The following DHX37 variants were observed in gnomAD, a reference collection of about 807,000 sequenced individuals.
The protein encoded by DHX37 is probable ATP-dependent RNA helicase DHX37.
Under a neutral mutation model 134.3 loss-of-function variants are expected in DHX37, and 52 were observed. That is an observed-to-expected ratio of 0.39 (90% CI 0.31 to 0.49). DHX37 has a LOEUF of 0.49. Among genes scored for constraint, DHX37 ranks in the 20% least tolerant of loss-of-function variants. The pLI, the probability that DHX37 is intolerant of heterozygous loss-of-function variation, is 0.93. For missense variants in DHX37, 1,344 were observed against 1,580.8 expected (o/e 0.85, Z 2.54); for synonymous variants, 634 against 670.7 (o/e 0.95, Z 0.85).
intron 10 of DHX37, among the ~76,000 whole-genome samples, chr12:124,967,546 C>T (rs1954415902): frequency 6.6e-6 from 1 of 152,180 alleles, no homozygotes. Context: ...CCTGAGGCTG[C>T]AGGAAGGCTC....
intron 10 of DHX37, among the ~76,000 whole-genome samples, chr12:124,967,894 C>T (rs1441467469): frequency 6.7e-6 from 1 of 150,158 alleles, no homozygotes; most frequent in African/African-American, 2.5e-5. Flanking sequence ...CATGATGAAA[C>T]CCCATCTCTA....
intron 9 of DHX37, 108 bp from the exon 10 acceptor site, chr12:124,968,756 C>T: frequency 6.3e-7 from 1 of 1,597,892 alleles, no homozygotes; most frequent in Non-Finnish European, 8.5e-7. Context: ...ACACCCCCTC[C>T]AAGCTGCTGT....
chr12:124,977,187 G>A (rs1283904584), intron 5 of DHX37, among the ~76,000 whole-genome samples, 155 bp downstream of exon 5: 2 of 152,222 alleles, frequency 1.3e-5, no homozygotes, highest in East Asian at 3.8e-4. Flanking sequence ...CTCACAGCTG[G>A]GGCCCAGAGA....
intron 20 of DHX37, 50 bp downstream of exon 20, chr12:124,953,830 C>T: frequency 6.3e-7 from 1 of 1,596,186 alleles, no homozygotes; most frequent in Non-Finnish European, 8.5e-7. Context: ...TTCAAGTGCC[C>T]AGGTCAGGTT....
rs368730360 is a variant in DHX37 at position 124,966,871 on chromosome 12, G to A, written c.1512C>T (p.Asp504=). ...PPSRARPQEK[D]DDQKDSVEEM... Reference sequence around the variant, plus strand: ...CCTCCACCGAGTCTTTCTGATCGTCGTCCTTTTCTGGGAGAGGGGCAGGTT... The same window carrying A: ...CCTCCACCGAGTCTTTCTGATCGTCATCCTTTTCTGGGAGAGGGGCAGGTT... Residue 504 remains aspartate, a synonymous_variant, in exon 12 of 27, where the codon GAC becomes GAT. Coordinates refer to ENST00000308736, the MANE Select transcript of DHX37 (RefSeq NM_032656.4). 27 of 1,614,076 alleles carry A rather than the reference G, an allele frequency of 1.7e-5. No homozygotes were observed. Among genetic ancestry groups the A allele is most frequent in the East Asian group, 2.2e-5 (1 of 44,892 alleles).
intron 7 of DHX37, 148 bp downstream of exon 7, chr12:124,972,355 T>G: frequency 2.6e-6 from 2 of 757,630 alleles, no homozygotes; most frequent in Non-Finnish European, 2.3e-6. Context: ...TTGGAGAGGT[T>G]AAGTAACTCA....
intron 9 of DHX37, 41 bp from the exon 10 acceptor site, chr12:124,968,689 C>A (rs11057940): frequency 0.65 from 1,052,986 of 1,612,416 alleles, 346,304 homozygotes; most frequent in East Asian, 0.87. Context: ...GGGGGGGACA[C>A]GAGCTTCGGC....
chr12:124,962,358 T>C (rs11057937), intron 15 of DHX37, among the ~76,000 whole-genome samples: 5,113 of 152,002 alleles, frequency 0.034, 133 homozygotes, highest in East Asian at 0.089. Flanking sequence ...CCGTCTCTAC[T>C]AAAAATCTAA....
rs569649715 is a variant in DHX37, at chr12:124,948,355, T to G, written c.3291-174A>C. ...GCCCCAGTTACTCAGGGGGCTGAAG[T>G]AGGAGGATCCCTTGAGCCTGGGAGT... On this transcript the variant is annotated intron_variant, in intron 25 of 26. Transcript: ENST00000308736. 7 of 1,202,154 alleles carry G rather than the reference T, an allele frequency of 5.8e-6. No homozygotes were observed. The African/African-American group carries it at 1.1e-4, about 18-fold the overall frequency. 74.5% of individuals were successfully genotyped at this position (1,202,154 alleles called of 1,614,324 possible).
intron 2 of DHX37, 143 bp downstream of exon 2, chr12:124,985,953 C>T (rs1431030827): frequency 9.6e-6 from 9 of 937,712 alleles, no homozygotes; most frequent in South Asian, 8.7e-5. Flanking sequence ...TAGTGGCTAC[C>T]GCACTGGACC....
In DHX37 at chr12:124,949,703, C is replaced by T. The variant is rs1953935544; in HGVS notation, c.3290+283G>A. On this transcript the variant is annotated intron_variant, in intron 25 of 26. Transcript: ENST00000308736. The surrounding 1 kb of genome is among the most constrained non-coding windows in gnomAD (Gnocchi z 4.0). ...ATGACTGGTGTCCTTATAAGGAGAACACAGGGAGGGAGACTAAAGACACAC... is the reference window on the plus strand; with the variant it reads ...ATGACTGGTGTCCTTATAAGGAGAATACAGGGAGGGAGACTAAAGACACAC... Among the ~76,000 whole-genome samples the T allele has an allele frequency of 6.6e-6, 1 of 152,062 alleles. No homozygotes were observed. The highest frequency in any genetic ancestry group is 1.5e-5 in the Non-Finnish European group (1 of 68,006).
At chr12:124,955,237 C>G (rs945098977) in intron 18 of DHX37, among the ~76,000 whole-genome samples, 5 of 152,222 alleles carry the variant, frequency 3.3e-5, no homozygotes, top group African/African-American at 7.2e-5. Context: ...CTGCCCTCCC[C>G]CAATGTGGGT....
intron 16 of DHX37, among the ~76,000 whole-genome samples, chr12:124,958,539 C>A (rs1333723380): frequency 6.6e-6 from 1 of 152,208 alleles, no homozygotes. Context: ...GGTGATAACA[C>A]TAGTAACTCC....
chr12:124,952,752 C>G, intron 20 of DHX37, 182 bp from the exon 21 acceptor site: 2 of 473,860 alleles, frequency 4.2e-6, no homozygotes, highest in East Asian at 7.1e-5. Flanking sequence ...GCAGCCGCCC[C>G]CCCATTCCCT....
At chr12:124,982,024 G>A (rs962593143) in intron 3 of DHX37, among the ~76,000 whole-genome samples, 1 of 151,788 alleles carries the variant, frequency 6.6e-6, no homozygotes, top group African/African-American at 2.4e-5. Context: ...TTGGGAGGCT[G>A]AGGCAGGAGA....
At chr12:124,972,706 G>T in intron 6 of DHX37, 107 bp from the exon 7 acceptor site, 1 of 1,006,710 alleles carries the variant, frequency 9.9e-7, no homozygotes. Context: ...TTGAGGGCAG[G>T]GCCCGCTGGC....
At chr12:124,965,345 C>T (rs570208349) in intron 13 of DHX37, among the ~76,000 whole-genome samples, 1 of 152,234 alleles carries the variant, frequency 6.6e-6, no homozygotes, top group Non-Finnish European at 1.5e-5. Context: ...CTGGGGTACT[C>T]TCTGCTGCCC....
At chr12:124,979,106 T>G (rs927223850) in intron 4 of DHX37, among the ~76,000 whole-genome samples, 3 of 151,740 alleles carry the variant, frequency 2.0e-5, no homozygotes, top group Non-Finnish European at 2.9e-5. Context: ...TCCCAGCACT[T>G]TAGGAGGCCA....
At position 124,952,476 on chromosome 12, in the gene DHX37, C is replaced by A. The variant is rs762816730; in HGVS notation, c.2790G>T (p.Thr930=). 5 of 1,611,096 alleles carry A rather than the reference C, an allele frequency of 3.1e-6. No homozygotes were observed. The highest frequency in any genetic ancestry group is 4.2e-6 in the Non-Finnish European group (5 of 1,178,822). Reference sequence around the variant, plus strand: ...GGGCCAAGTGGTCCCCCAGGCCTGCCGTCACGATCTGTCGCAGGTAGGTCA... The same window carrying A: ...GGGCCAAGTGGTCCCCCAGGCCTGCAGTCACGATCTGTCGCAGGTAGGTCA... The part of the protein sequence containing the change: ...SQVTYLRQIV[T]AGLGDHLARR... Residue 930 remains threonine (T), a synonymous_variant, in exon 21 of 27, where the codon ACG becomes ACT. Transcript: ENST00000308736.
Sources: gnomAD v4.1 joint callset for allele counts (sites outside exome capture counted in the v4.1 genomes callset) on GRCh38, gnomAD v4.1.1 for gene constraint, Gnocchi (gnomAD v3.1) non-coding constraint, MANE v1.5 for transcripts, NCBI Gene and HGNC (gene_info 2026-07-23, HGNC 2026-07-21) for gene names.